PCDHA11: variants seen among roughly 807,000 people sequenced by gnomAD.
The protein encoded by PCDHA11 is protocadherin alpha-11.
In PCDHA11, 61 loss-of-function variants were observed where a neutral mutation model predicts 70.3. The ratio of observed to expected loss-of-function variants is 0.87; its 90% CI spans 0.71 to 1.07. The LOEUF (loss-of-function observed/expected upper bound fraction) is 1.07. Among genes scored for constraint, PCDHA11 ranks in the 50% least tolerant of loss-of-function variants. PCDHA11 has a pLI of 0.00. For synonymous variants in PCDHA11, 633 were observed against 555.1 expected (o/e 1.14, Z -1.97); for missense variants, 1,324 against 1,237.5 (o/e 1.07, Z -1.05).
rs2096830970 is a variant in PCDHA11, at chr5:140,978,991, A to C, written c.2434A>C (p.Arg812=). Residue 812 remains arginine, a synonymous_variant, in exon 2 of 4, where the codon AGA becomes CGA. Coordinates refer to ENST00000398640, the MANE Select transcript of PCDHA11 (RefSeq NM_018902.5). ...TGACTGGCGTTACTCTGCCTCCCTG[A>C]GAGCAGGCATGCACAGGTATGTATT... ...NPDWRYSASL[R]AGMHSSVHLE... is the part of the protein sequence containing the mutation. 1.2e-6 allele frequency: 2 copies of C among 1,614,188 alleles called. No individual in the cohort carries two copies. Among genetic ancestry groups the C allele is most frequent in the East Asian group, 2.2e-5 (1 of 44,882 alleles).
intron 1 of PCDHA11, chr5:140,883,858 G>C (rs2059854560): frequency 6.2e-7 from 1 of 1,613,142 alleles, no homozygotes; most frequent in Middle Eastern, 1.8e-4. Context: ...AGCTGGAGCT[G>C]TTGCAGTTCC....
At chr5:140,952,471 A>G (rs1324501616) in intron 1 of PCDHA11, among the ~76,000 whole-genome samples, 2 of 152,204 alleles carry the variant, frequency 1.3e-5, no homozygotes, top group African/African-American at 2.4e-5. Context: ...AAGCATAAGG[A>G]AAGTGACATT....
chr5:140,934,528 G>T (rs782284913), intron 1 of PCDHA11, among the ~76,000 whole-genome samples: 26 of 152,112 alleles, frequency 1.7e-4, no homozygotes, highest in Non-Finnish European at 2.2e-4. Flanking sequence ...CACTTCGAGA[G>T]CTACCGTTCT....
At position 140,977,800 on chromosome 5, in the gene PCDHA11, T is replaced by G. The variant is rs572772764; in HGVS notation, c.2392-1149T>G. On this transcript the variant is annotated intron_variant, in intron 1 of 3. Coordinates refer to ENST00000398640, the MANE Select transcript of PCDHA11 (RefSeq NM_018902.5). Reference sequence around the variant, plus strand: ...AAAGGAACTATATGAATGATAGGAATAAGAATTATTGACAGTTTTGAATGG... The same window carrying G: ...AAAGGAACTATATGAATGATAGGAAGAAGAATTATTGACAGTTTTGAATGG... Among the ~76,000 whole-genome samples, 3 of 152,356 alleles carry G rather than the reference T, an allele frequency of 2.0e-5. No individual in the cohort carries two copies. In the East Asian group the frequency reaches 5.8e-4, roughly 29 times the overall value.
intron 1 of PCDHA11, chr5:140,876,809 C>T (rs1554168959): frequency 6.2e-7 from 1 of 1,614,200 alleles, no homozygotes; most frequent in Admixed American, 1.7e-5. Flanking sequence ...GTGGAGGTGG[C>T]CGACGTGAAC....
At chr5:140,999,877 G>C (rs1194481133) in intron 3 of PCDHA11, among the ~76,000 whole-genome samples, 1 of 152,152 alleles carries the variant, frequency 6.6e-6, no homozygotes, top group Non-Finnish European at 1.5e-5. Flanking sequence ...CTGAAAATTA[G>C]CCCAGCTGTA....
intron 1 of PCDHA11, chr5:140,966,941 G>C (rs1554228938): frequency 1.9e-6 from 3 of 1,604,498 alleles, no homozygotes; most frequent in Non-Finnish European, 2.5e-6. Context: ...CGCGCTCGTG[G>C]GCAACGTGGC....
In PCDHA11 at chr5:141,009,805, A is replaced by G. The variant is rs1358613672; in HGVS notation, c.2718A>G (p.Gln906=). The change falls in exon 4 of 4, where the codon CAA becomes CAG. Residue 906 remains glutamine, a synonymous_variant. Transcript: ENST00000398640. ...ISIRQEPTNS[Q]IDKSDFITFG... ...TCCGGCAGGAGCCTACTAACAGCCAAATTGACAAAAGTGACTTCATAACCT... is the reference window on the plus strand; with the variant it reads ...TCCGGCAGGAGCCTACTAACAGCCAGATTGACAAAAGTGACTTCATAACCT... The G allele has an allele frequency of 3.1e-6, 5 of 1,613,974 alleles. No homozygotes were observed. Among genetic ancestry groups the G allele is most frequent in the African/African-American group, 1.3e-5 (1 of 74,898 alleles).
chr5:140,875,208 C>G (rs1297860404), intron 1 of PCDHA11: 2 of 668,428 alleles, frequency 3.0e-6, no homozygotes, highest in East Asian at 6.8e-5. Flanking sequence ...GTGGCTAAAC[C>G]GAAAAGAACC....
In PCDHA11 at chr5:140,877,342, G is replaced by A. The variant is rs1462091033; in HGVS notation, c.2391+5848G>A. On this transcript the variant is annotated intron_variant, in intron 1 of 3. Coordinates refer to ENST00000398640, the MANE Select transcript of PCDHA11 (RefSeq NM_018902.5). ...GGTCGGCGCGCACATCCCGTTCCACGTGGGGCTGTACACTGGCGAGATCAG... is the reference window on the plus strand; with the variant it reads ...GGTCGGCGCGCACATCCCGTTCCACATGGGGCTGTACACTGGCGAGATCAG... 5 of 1,613,904 alleles carry A rather than the reference G, an allele frequency of 3.1e-6. No individual in the cohort carries two copies. The African/African-American group carries it at 6.7e-5, about 22-fold the overall frequency.
intron 1 of PCDHA11, among the ~76,000 whole-genome samples, chr5:140,891,271 G>A (rs782182381): frequency 7.9e-5 from 12 of 151,678 alleles, no homozygotes; most frequent in South Asian, 4.2e-4. Flanking sequence ...TAATTTTTCC[G>A]TAAGTTATTG....
At chr5:140,936,418 T>G (rs2090950050) in intron 1 of PCDHA11, among the ~76,000 whole-genome samples, 1 of 152,222 alleles carries the variant, frequency 6.6e-6, no homozygotes, top group African/African-American at 2.4e-5. Context: ...ATGTTACTAA[T>G]TTTAATTAAT....
At chr5:140,926,850 G>A (rs375350613) in intron 1 of PCDHA11, 3 of 1,517,570 alleles carry the variant, frequency 2.0e-6, no homozygotes, top group African/African-American at 2.8e-5. Flanking sequence ...CTGGGTCACC[G>A]TTGGTGTAGC....
chr5:140,972,479 C>T (rs782631191), intron 1 of PCDHA11, among the ~76,000 whole-genome samples: 1 of 151,994 alleles, frequency 6.6e-6, no homozygotes, highest in Non-Finnish European at 1.5e-5. Flanking sequence ...CAGCATTTAA[C>T]CCCAGACTCT....
intron 1 of PCDHA11, chr5:140,967,690 C>G (rs782694266): frequency 6.2e-7 from 1 of 1,614,190 alleles, no homozygotes; most frequent in Non-Finnish European, 8.5e-7. Flanking sequence ...GGCAGCTCTT[C>G]AGCATAGATG....
intron 3 of PCDHA11, among the ~76,000 whole-genome samples, chr5:140,994,479 G>A (rs1229761223): frequency 1.3e-5 from 2 of 152,094 alleles, no homozygotes; most frequent in African/African-American, 4.8e-5. Context: ...GAGGCGGGTG[G>A]ATTGCCTGAA....
intron 1 of PCDHA11, among the ~76,000 whole-genome samples, chr5:140,894,455 T>C (rs1316862860): frequency 6.6e-6 from 1 of 152,000 alleles, no homozygotes; most frequent in Non-Finnish European, 1.5e-5. Flanking sequence ...TTAAAAAATA[T>C]TTTACTTTTT....
chr5:140,952,767 A>T (rs912245909), intron 1 of PCDHA11, among the ~76,000 whole-genome samples: 13 of 152,298 alleles, frequency 8.5e-5, no homozygotes, highest in African/African-American at 2.9e-4. Flanking sequence ...GAGACTGGAT[A>T]ATTTAGAAAG....
intron 1 of PCDHA11, among the ~76,000 whole-genome samples, chr5:140,972,955 C>T (rs1450892735): frequency 6.6e-6 from 1 of 152,080 alleles, no homozygotes; most frequent in African/African-American, 2.4e-5. Context: ...AGCCACCATG[C>T]CCGGCAAAGG....
Sources: gnomAD v4.1 joint callset for allele counts (sites outside exome capture counted in the v4.1 genomes callset) on GRCh38, gnomAD v4.1.1 for gene constraint, MANE v1.5 for transcripts, NCBI Gene and HGNC (gene_info 2026-07-23, HGNC 2026-07-21) for gene names.